The following STEAP3 variants were observed in gnomAD, a reference collection of about 807,000 sequenced individuals.
STEAP3 encodes the protein metalloreductase STEAP3.
Under a neutral mutation model 34.9 loss-of-function variants are expected in STEAP3, and 35 were observed. The observed-to-expected ratio is 1.00, with a 90% CI of 0.76 to 1.33. STEAP3 has a LOEUF of 1.33. Ranked by LOEUF, STEAP3 falls within the 40% of genes most tolerant of loss-of-function variation. The pLI, the probability that STEAP3 is intolerant of heterozygous loss-of-function variation, is 0.00. For missense variants in STEAP3, 652 were observed against 667.6 expected, an observed-to-expected ratio of 0.98 and a Z score of 0.26; for synonymous variants, 281 against 301.6, an observed-to-expected ratio of 0.93 and a Z score of 0.71.
chr2:119,258,631 G>A (rs562974579), intron 5 of STEAP3, among the ~76,000 whole-genome samples: 2 of 126,020 alleles, frequency 1.6e-5, no homozygotes, highest in South Asian at 2.6e-4. Flanking sequence ...TTTTTGAGAC[G>A]GAGTCTCACT....
chr2:119,255,638 A>G (rs1303402795), intron 5 of STEAP3, among the ~76,000 whole-genome samples: 1 of 151,978 alleles, frequency 6.6e-6, no homozygotes, highest in African/African-American at 2.4e-5. Flanking sequence ...CTGGGATCCC[A>G]GCTACTAACA....
chr2:119,260,990 T>C (rs1470117248), intron 5 of STEAP3, among the ~76,000 whole-genome samples: 2 of 152,226 alleles, frequency 1.3e-5, no homozygotes, highest in Admixed American at 6.5e-5. Flanking sequence ...CCCAAGAATG[T>C]TGAACGTGAG....
At chr2:119,258,314 C>G (rs1225858440) in intron 5 of STEAP3, among the ~76,000 whole-genome samples, 1 of 152,100 alleles carries the variant, frequency 6.6e-6, no homozygotes, top group Non-Finnish European at 1.5e-5. Flanking sequence ...GTTTTATCAG[C>G]AAGGTATTTA....
At chr2:119,228,307 C>T (rs1679105564) in intron 1 of STEAP3, among the ~76,000 whole-genome samples, 1 of 152,158 alleles carries the variant, frequency 6.6e-6, no homozygotes, top group South Asian at 2.1e-4. Flanking sequence ...GAGCTGGGCC[C>T]TCCAGGTGAG....
intron 4 of STEAP3, among the ~76,000 whole-genome samples, chr2:119,250,833 T>TC (rs1350585338): frequency 6.6e-6 from 1 of 152,038 alleles, no homozygotes; most frequent in Non-Finnish European, 1.5e-5. Flanking sequence ...GTCCCAAAAA[T>TC]CTTTAGGGCT....
intron 2 of STEAP3, among the ~76,000 whole-genome samples, chr2:119,239,960 T>G (rs1344233287): frequency 6.6e-6 from 1 of 152,192 alleles, no homozygotes; most frequent in African/African-American, 2.4e-5. Context: ...GTATTTTACT[T>G]ATAAAGAAAT....
rs188090413 is a variant in STEAP3, at chr2:119,243,549, G to A, written c.23-1940G>A. ...ACTGAATCTACTTCCTGGGGTTCTT[G>A]TGAGGACCAGAGGCCCATCACCCGA... On this transcript the variant is annotated intron_variant, in intron 2 of 5. Coordinates refer to ENST00000393110, the MANE Select transcript of STEAP3 (RefSeq NM_182915.3). 3.2e-4 allele frequency among the ~76,000 whole-genome samples: 48 copies of A among 152,318 alleles called. No individual in the cohort carries two copies. In the Middle Eastern group the frequency reaches 0.014, roughly 43 times the overall value.
chr2:119,231,649 C>T (rs948994719), intron 2 of STEAP3, among the ~76,000 whole-genome samples: 5 of 151,984 alleles, frequency 3.3e-5, no homozygotes, highest in African/African-American at 4.8e-5. Context: ...TGTATTTCTG[C>T]GGGGATTGGC....
At chr2:119,243,991 T>G (rs1677329188) in intron 2 of STEAP3, among the ~76,000 whole-genome samples, 1 of 152,238 alleles carries the variant, frequency 6.6e-6, no homozygotes, top group South Asian at 2.1e-4. Flanking sequence ...TCTTAAGCCC[T>G]GTGGAACTGT....
chr2:119,247,360 G>C (rs1224746737), intron 3 of STEAP3, among the ~76,000 whole-genome samples: 1 of 152,232 alleles, frequency 6.6e-6, no homozygotes, highest in Non-Finnish European at 1.5e-5. Context: ...GGGGCCCATG[G>C]GGACTACCTG....
At chr2:119,227,372 GC>G (rs1454142934) in intron 1 of STEAP3, among the ~76,000 whole-genome samples, 1 of 152,200 alleles carries the variant, frequency 6.6e-6, no homozygotes, top group African/African-American at 2.4e-5. Context: ...GGTCTCGTGA[GC>G]CCTGCACTGA....
intron 4 of STEAP3, among the ~76,000 whole-genome samples, chr2:119,253,499 A>T (rs1442646237): frequency 3.9e-5 from 6 of 152,112 alleles, no homozygotes; most frequent in African/African-American, 1.4e-4. Flanking sequence ...TTGTTTCTCA[A>T]AAAACCTGTA....
chr2:119,240,465 C>T (rs975443984), intron 2 of STEAP3, among the ~76,000 whole-genome samples: 1 of 152,242 alleles, frequency 6.6e-6, no homozygotes, highest in Non-Finnish European at 1.5e-5. Flanking sequence ...TGGCCACAGC[C>T]TGCCCTGGCC....
chr2:119,250,324 G>A (rs1055252762), intron 4 of STEAP3, among the ~76,000 whole-genome samples: 5 of 152,224 alleles, frequency 3.3e-5, no homozygotes, highest in Admixed American at 1.3e-4. Context: ...GAAGGCTAGA[G>A]GCTGGACTCC....
In STEAP3 at chr2:119,264,300, C is replaced by T. The variant is rs1003867661; in HGVS notation, c.*962C>T. Reference sequence around the variant, plus strand: ...ACTCTAGGGAGTAAAGCTCCCCGGGCGTCAGAGTTGAGCCCTGCCTGGGCT... The same window carrying T: ...ACTCTAGGGAGTAAAGCTCCCCGGGTGTCAGAGTTGAGCCCTGCCTGGGCT... On this transcript the variant is annotated 3_prime_UTR_variant, in exon 6 of 6. Transcript: ENST00000393110. 2 of 152,514 alleles carry T rather than the reference C, an allele frequency of 1.3e-5. No homozygotes were observed. The highest frequency in any genetic ancestry group is 3.9e-4 in the East Asian group (2 of 5,178). The allele number at this position is 152,514 out of a possible 1,614,324, so 9.4% of individuals were successfully genotyped here. A position where few individuals can be genotyped will look rare whatever the true frequency, so the allele number is the denominator to read the frequency against.
chr2:119,250,041 GAGGGGTC>G (rs2104830148), intron 4 of STEAP3, among the ~76,000 whole-genome samples: 1 of 152,344 alleles, frequency 6.6e-6, no homozygotes, highest in South Asian at 2.1e-4. Flanking sequence ...CTGAGGCACA[GAGGGGTC>G]AAGTAACTTG....
intron 2 of STEAP3, among the ~76,000 whole-genome samples, chr2:119,242,553 C>T (rs1165424487): frequency 6.6e-6 from 1 of 152,204 alleles, no homozygotes; most frequent in African/African-American, 2.4e-5. Flanking sequence ...GGGGTGCCTG[C>T]AGGGTCTTCT....
At chr2:119,235,910 C>T (rs1256666578) in intron 2 of STEAP3, among the ~76,000 whole-genome samples, 1 of 152,186 alleles carries the variant, frequency 6.6e-6, no homozygotes, top group Non-Finnish European at 1.5e-5. Flanking sequence ...CCCAGTGCCC[C>T]AGTGCCCAGC....
chr2:119,229,397 C>T lies in STEAP3; in HGVS notation c.-393-1223C>T, dbSNP rs181988478. 2.8e-4 allele frequency among the ~76,000 whole-genome samples: 43 copies of T among 152,322 alleles called. 1 individual carries two copies. In the East Asian group the frequency reaches 6.9e-3, roughly 25 times the overall value. The stretch of plus-strand genomic sequence containing the variant: ...GTGGAGGGCACTTAGGTCCCTCCCT[C>T]AGCTGACCATAGAGCACCCAGAGTG... On this transcript the variant is annotated intron_variant, in intron 1 of 5. Transcript: ENST00000393110.
Sources: allele counts gnomAD v4.1 joint callset (sites outside exome capture counted in the v4.1 genomes callset), GRCh38; gene constraint gnomAD v4.1.1; transcripts MANE v1.5; gene names NCBI Gene and HGNC (gene_info 2026-07-23, HGNC 2026-07-21).